CTIF: variants seen among roughly 807,000 people sequenced by gnomAD.
CTIF encodes cap binding complex dependent translation initiation factor, also known as CBP80/20-dependent translation initiation factor.
Under a neutral mutation model 66.0 loss-of-function variants are expected in CTIF, and 21 were observed. The ratio of observed to expected loss-of-function variants is 0.32; its 90% CI spans 0.23 to 0.46. CTIF has a LOEUF of 0.46. Ranked by LOEUF, CTIF falls within the 20% of genes least tolerant of loss-of-function variation. The pLI is 1.00. For missense variants in CTIF, 739 were observed against 812.7 expected (o/e 0.91, Z 1.10); for synonymous variants, 345 against 326.4 (o/e 1.06, Z -0.62).
intron 7 of CTIF, among the ~76,000 whole-genome samples, chr18:48,744,324 G>A (rs9948017): frequency 0.099 from 14,995 of 152,228 alleles, 861 homozygotes; most frequent in Non-Finnish European, 0.12. Context: ...TGGTGCGTAA[G>A]AAATTGACTT....
intron 3 of CTIF, among the ~76,000 whole-genome samples, chr18:48,638,331 C>G (rs192852912): frequency 2.4e-3 from 362 of 152,290 alleles, no homozygotes; most frequent in Non-Finnish European, 4.1e-3. Context: ...GCTGTTTGGT[C>G]AGCAGGTGTC....
chr18:48,556,711 C>T (rs1054361071), intron 1 of CTIF, among the ~76,000 whole-genome samples: 9 of 152,146 alleles, frequency 5.9e-5, no homozygotes, highest in East Asian at 3.9e-4. Context: ...ATTACAGGCA[C>T]GCACCACCAC....
chr18:48,765,006 C>T (rs1419830002), intron 9 of CTIF, among the ~76,000 whole-genome samples: 2 of 152,222 alleles, frequency 1.3e-5, no homozygotes, highest in African/African-American at 2.4e-5. Flanking sequence ...AGGCCCTGTG[C>T]CTTCTCTCTG....
intron 1 of CTIF, among the ~76,000 whole-genome samples, chr18:48,599,132 C>T (rs961673654): frequency 2.0e-5 from 3 of 152,086 alleles, no homozygotes; most frequent in South Asian, 2.1e-4. Context: ...AAAGGCCTGG[C>T]GAACTGTAAA....
chr18:48,690,814 T>C (rs2091914788), intron 6 of CTIF, among the ~76,000 whole-genome samples: 2 of 151,860 alleles, frequency 1.3e-5, no homozygotes, highest in African/African-American at 4.8e-5. Context: ...AGGATGGAGA[T>C]AATAAAACCT....
At chr18:48,758,437 G>A (rs756544990) in intron 8 of CTIF, 32 bp downstream of exon 8, 2 of 1,555,252 alleles carry the variant, frequency 1.3e-6, no homozygotes, top group East Asian at 2.3e-5. Flanking sequence ...TTCTTCTCTT[G>A]CACCAGGGAG....
intron 1 of CTIF, chr18:48,568,278 G>A (rs1309383440): frequency 6.6e-6 from 1 of 152,100 alleles, no homozygotes; most frequent in East Asian, 1.9e-4. Flanking sequence ...CGAAACACCA[G>A]AGGACCAGGG....
chr18:48,788,446 G>T (rs1402156570), intron 9 of CTIF, among the ~76,000 whole-genome samples: 1 of 152,106 alleles, frequency 6.6e-6, no homozygotes, highest in Non-Finnish European at 1.5e-5. Context: ...TAAATAAGTG[G>T]CCTGAAGCCA....
At chr18:48,667,330 G>A (rs567241687) in intron 5 of CTIF, among the ~76,000 whole-genome samples, 1 of 152,316 alleles carries the variant, frequency 6.6e-6, no homozygotes, top group Non-Finnish European at 1.5e-5. Flanking sequence ...GTTAAATAAA[G>A]TCAATGCAAA....
At chr18:48,730,067 C>CTGCCTGTGGTGAT (rs1285962555) in intron 7 of CTIF, among the ~76,000 whole-genome samples, 23 of 152,342 alleles carry the variant, frequency 1.5e-4, no homozygotes, top group African/African-American at 4.6e-4. Flanking sequence ...TCACCACGAG[C>CTGCCTGTGGTGAT]TGCCTGTGGT....
chr18:48,834,583 G>A (rs963838409), intron 10 of CTIF: 1 of 152,480 alleles, frequency 6.6e-6, no homozygotes, highest in African/African-American at 2.4e-5. Flanking sequence ...CAGTTTCCCA[G>A]GTGATGCTGA....
At chr18:48,812,708 C>T (rs945243215) in intron 9 of CTIF, among the ~76,000 whole-genome samples, 3 of 149,802 alleles carry the variant, frequency 2.0e-5, no homozygotes, top group African/African-American at 7.4e-5. Context: ...GAGCCTTAAT[C>T]GCACCACTGC....
At chr18:48,673,896 G>A (rs1318583181) in intron 6 of CTIF, among the ~76,000 whole-genome samples, 4 of 152,266 alleles carry the variant, frequency 2.6e-5, no homozygotes, top group Non-Finnish European at 5.9e-5. Flanking sequence ...GAAGCCAAAA[G>A]ATTGGACACC....
intron 7 of CTIF, among the ~76,000 whole-genome samples, chr18:48,728,188 C>T (rs1462634407): frequency 6.6e-6 from 1 of 152,132 alleles, no homozygotes; most frequent in African/African-American, 2.4e-5. Flanking sequence ...ATATATTTTT[C>T]ACCTCCCTTA....
intron 1 of CTIF, among the ~76,000 whole-genome samples, chr18:48,594,892 T>C (rs566579190): frequency 3.2e-4 from 49 of 152,194 alleles, no homozygotes; most frequent in African/African-American, 1.2e-3. Context: ...GGGGCCAGGC[T>C]GAGAGAGCTG....
intron 1 of CTIF, among the ~76,000 whole-genome samples, chr18:48,599,119 T>C (rs992533347): frequency 6.6e-6 from 1 of 152,138 alleles, no homozygotes; most frequent in African/African-American, 2.4e-5. Flanking sequence ...TCATGGGTGT[T>C]GGAAAGGCCT....
At chr18:48,661,599 G>A (rs777425789) in intron 3 of CTIF, among the ~76,000 whole-genome samples, 26 of 152,288 alleles carry the variant, frequency 1.7e-4, no homozygotes, top group Non-Finnish European at 2.5e-4. Context: ...AGGGCCCCAG[G>A]AGTTGGAATG....
chr18:48,629,854 C>T (rs1004272232), intron 2 of CTIF, among the ~76,000 whole-genome samples: 4 of 152,106 alleles, frequency 2.6e-5, no homozygotes, highest in African/African-American at 9.7e-5. Flanking sequence ...CCTCAGCAGC[C>T]ATGAAGAGTA....
intron 9 of CTIF, among the ~76,000 whole-genome samples, chr18:48,769,564 G>A (rs1909904327): frequency 2.0e-5 from 3 of 152,244 alleles, no homozygotes; most frequent in African/African-American, 7.2e-5. Flanking sequence ...TCGTCAGGCT[G>A]GCCTGGCATC....
Sources: allele counts gnomAD v4.1 joint callset (sites outside exome capture counted in the v4.1 genomes callset), GRCh38; gene constraint gnomAD v4.1.1; transcripts MANE v1.5; gene names NCBI Gene and HGNC (gene_info 2026-07-23, HGNC 2026-07-21).